Variants in WDR59 observed in about 807,000 individuals in gnomAD.
WDR59 encodes WD repeat domain 59.
A neutral mutation model predicts 131.2 loss-of-function variants in WDR59; 100 were observed. The observed-to-expected ratio is 0.76, with a 90% CI of 0.65 to 0.90. The LOEUF (loss-of-function observed/expected upper bound fraction) is 0.90, where lower values mean the gene tolerates loss of function less well. Among genes scored for constraint, WDR59 ranks in the 40% least tolerant of loss-of-function variants. WDR59 has a pLI of 0.00. For synonymous variants in WDR59, 601 were observed against 466.2 expected (o/e 1.29, Z -3.72); for missense variants, 1,203 against 1,262.2 (o/e 0.95, Z 0.71).
intron 8 of WDR59, among the ~76,000 whole-genome samples, chr16:74,937,703 T>C (rs58105746): frequency 7.3e-4 from 111 of 152,292 alleles, no homozygotes; most frequent in African/African-American, 2.7e-3. Context: ...GGTTTCACCA[T>C]ATTGGCCAGG....
intron 25 of WDR59, among the ~76,000 whole-genome samples, chr16:74,884,781 A>G (rs1054531053): frequency 1.3e-5 from 2 of 152,156 alleles, no homozygotes; most frequent in African/African-American, 2.4e-5. Flanking sequence ...GCTTGTTCAC[A>G]ACGACAGTCA....
rs1023772362 is a variant in WDR59, at chr16:74,954,930, C to T, written c.240+1545G>A. On this transcript the variant is annotated intron_variant, in intron 3 of 25. Transcript: ENST00000262144. Reference sequence around the variant, plus strand: ...AATAGATCAATCCATTGAGACAGAGCGCAGACTGGTGGTTGCCAGGGGTTG... The same window carrying T: ...AATAGATCAATCCATTGAGACAGAGTGCAGACTGGTGGTTGCCAGGGGTTG... Among the ~76,000 whole-genome samples, 8 of 152,112 alleles carry T rather than the reference C, an allele frequency of 5.3e-5. No individual in the cohort carries two copies. The South Asian group carries it at 1.4e-3, about 28-fold the overall frequency.
rs1433396668 is a variant in WDR59 at position 74,885,813 on chromosome 16, G to A, written c.2547-18C>T. On this transcript the variant is annotated intron_variant, in intron 24 of 25. Coordinates refer to ENST00000262144, the MANE Select transcript of WDR59 (RefSeq NM_030581.4). ...CCAGGAGCCTGGATAAAGTTAAAAAGATTTCCTGTCAGTTCCTTTAAGAAA... is the reference window on the plus strand; with the variant it reads ...CCAGGAGCCTGGATAAAGTTAAAAAAATTTCCTGTCAGTTCCTTTAAGAAA... 2 of 1,607,628 alleles carry A rather than the reference G, an allele frequency of 1.2e-6. No homozygotes were observed. The highest frequency in any genetic ancestry group is 1.3e-5 in the African/African-American group (1 of 74,304).
chr16:74,936,088 T>G (rs1039383572), intron 8 of WDR59, among the ~76,000 whole-genome samples: 2 of 151,998 alleles, frequency 1.3e-5, no homozygotes, highest in African/African-American at 4.8e-5. Flanking sequence ...AAGCTAAGCC[T>G]GCTGGTAAAG....
In WDR59 at chr16:74,956,557, T is replaced by G; in HGVS notation, c.158A>C (p.Lys53Thr). ...GTCCCATTTGCTCTGGCGAGAGATC[T>G]TTCGGTGACCTTCGAAAGGGGCATC... ...NLDAPFEGHRKISRQSKWDIG... is the reference protein window; with the variant it reads ...NLDAPFEGHRTISRQSKWDIG... Residue 53 changes from lysine (K) to threonine (T), a missense_variant, in exon 3 of 26, where the codon AAG becomes ACG. By Grantham distance (78) the Lys-to-Thr change is moderately conservative. Transcript: ENST00000262144. 6.2e-7 allele frequency: 1 copy of G among 1,614,156 alleles called. No homozygotes were observed. Among genetic ancestry groups the G allele is most frequent in the Middle Eastern group, 1.6e-4 (1 of 6,062 alleles).
chr16:74,983,516 G>T (rs1310579612), intron 1 of WDR59, among the ~76,000 whole-genome samples: 1 of 152,024 alleles, frequency 6.6e-6, no homozygotes, highest in African/African-American at 2.4e-5. Flanking sequence ...GAATCACCAA[G>T]ACACTGTCCT....
At chr16:74,923,760 A>G (rs923658268) in intron 9 of WDR59, among the ~76,000 whole-genome samples, 166 bp downstream of exon 9, 1 of 152,170 alleles carries the variant, frequency 6.6e-6, no homozygotes, top group African/African-American at 2.4e-5. Context: ...AATTTTAAGT[A>G]GTTAACAGCA....
chr16:74,895,653 T>C (rs1407744560), intron 18 of WDR59, among the ~76,000 whole-genome samples: 1 of 152,210 alleles, frequency 6.6e-6, no homozygotes, highest in Non-Finnish European at 1.5e-5. Context: ...GCTTTATCAA[T>C]TATTATGGGG....
At chr16:74,916,104 G>A (rs1452907727) in intron 12 of WDR59, 23 bp downstream of exon 12, 3 of 1,614,188 alleles carry the variant, frequency 1.9e-6, no homozygotes, top group Admixed American at 1.7e-5. Flanking sequence ...CACCTTACCT[G>A]AGACATCAGT....
chr16:74,940,751 G>A (rs2032153274), intron 7 of WDR59, among the ~76,000 whole-genome samples: 1 of 151,982 alleles, frequency 6.6e-6, no homozygotes, highest in African/African-American at 2.4e-5. Context: ...TGTCATCCAG[G>A]CTGGAGTGCA....
chr16:74,932,987 T>C (rs2031518393), intron 8 of WDR59, among the ~76,000 whole-genome samples: 2 of 152,212 alleles, frequency 1.3e-5, no homozygotes, highest in African/African-American at 4.8e-5. Context: ...GCCTTATATA[T>C]TACATGTTGA....
Position 74,874,115 on chromosome 16 carries a change from A to C in WDR59, c.*94T>G. 9.0e-7 allele frequency: 1 copy of C among 1,110,294 alleles called. No individual in the cohort carries two copies. Among genetic ancestry groups the C allele is most frequent in the Non-Finnish European group, 1.3e-6 (1 of 771,220 alleles). The allele number at this position is 1,110,294 out of a possible 1,614,324, so 68.8% of individuals were successfully genotyped here. On this transcript the variant is annotated 3_prime_UTR_variant, in exon 26 of 26. Transcript: ENST00000262144. ...TCATCCTCCGGTCTCACTGGGGACG[A>C]ACCCAGGTTCTGGAGCCTCTCCCCT... is the stretch of plus-strand genomic sequence containing the variant.
intron 20 of WDR59, among the ~76,000 whole-genome samples, chr16:74,891,947 C>T (rs1965066134): frequency 1.3e-5 from 2 of 151,940 alleles, no homozygotes; most frequent in South Asian, 2.1e-4. Context: ...AAAAACAAAC[C>T]ACTGAATGGT....
At chr16:74,980,521 T>C (rs112744649) in intron 1 of WDR59, among the ~76,000 whole-genome samples, 20 of 151,878 alleles carry the variant, frequency 1.3e-4, no homozygotes, top group East Asian at 1.2e-3. Flanking sequence ...GCCTGGCTAA[T>C]TTTTGTATTT....
intron 1 of WDR59, among the ~76,000 whole-genome samples, chr16:74,974,126 T>C (rs1029046207): frequency 2.0e-5 from 3 of 152,164 alleles, no homozygotes; most frequent in Admixed American, 2.0e-4. Flanking sequence ...GCTGAGATTA[T>C]GCCACTGCAC....
chr16:74,904,377 G>T (rs11149779), intron 17 of WDR59: 202,955 of 320,856 alleles, frequency 0.63, 63,954 homozygotes, highest in East Asian at 0.72. Flanking sequence ...ATCTACTATA[G>T]TTCTATCAAT....
chr16:74,978,822 T>C (rs1486147457), intron 1 of WDR59, among the ~76,000 whole-genome samples: 1 of 151,810 alleles, frequency 6.6e-6, no homozygotes, highest in Non-Finnish European at 1.5e-5. Context: ...GAGGGAAGAG[T>C]TGTCTCCAAG....
At chr16:74,909,985 T>TG in intron 14 of WDR59, 68 bp from the exon 15 acceptor site, 1 of 1,278,050 alleles carries the variant, frequency 7.8e-7, no homozygotes, top group Non-Finnish European at 1.1e-6. Flanking sequence ...TTTTTTTTTT[T>TG]GAGACAAAGT....
chr16:74,905,312 T>C (rs928915875), intron 17 of WDR59, among the ~76,000 whole-genome samples: 4 of 150,574 alleles, frequency 2.7e-5, no homozygotes, highest in South Asian at 2.1e-4. Context: ...GAGGCGGAGG[T>C]TGTGGTGAGC....
Sources: gnomAD v4.1 joint callset for allele counts (sites outside exome capture counted in the v4.1 genomes callset) on GRCh38, gnomAD v4.1.1 for gene constraint, MANE v1.5 for transcripts, NCBI Gene and HGNC (gene_info 2026-07-23, HGNC 2026-07-21) for gene names.